TLK1: variants seen among roughly 807,000 people sequenced by gnomAD.
TLK1 encodes the protein serine/threonine-protein kinase tousled-like 1.
TLK1 carries 24 observed loss-of-function variants against 105.3 expected under a neutral mutation model. The observed-to-expected ratio is 0.23, with a 90% CI of 0.17 to 0.32. The LOEUF is 0.32. TLK1 is among the 10% of genes least tolerant of loss of function. TLK1 has a pLI of 1.00. For synonymous variants in TLK1, 321 were observed against 310.4 expected, an observed-to-expected ratio of 1.03 and a Z score of -0.36; for missense variants, 558 against 910.5, an observed-to-expected ratio of 0.61 and a Z score of 4.98.
chr2:171,003,568 G>C (rs992301792), intron 18 of TLK1, among the ~76,000 whole-genome samples: 2 of 152,146 alleles, frequency 1.3e-5, no homozygotes, highest in Non-Finnish European at 2.9e-5. Flanking sequence ...AAAAATATTT[G>C]AGAATCACGA....
In TLK1 at chr2:171,112,190, T is replaced by C. The variant is rs543595356; in HGVS notation, c.258+5549A>G. 3.5e-4 allele frequency among the ~76,000 whole-genome samples: 53 copies of C among 152,320 alleles called. 1 individual carries two copies. The South Asian group carries it at 8.9e-3, about 26-fold the overall frequency. On this transcript the variant is annotated intron_variant, in intron 2 of 20. Coordinates refer to ENST00000431350, the MANE Select transcript of TLK1 (RefSeq NM_012290.5). ...TGTTCTCAAACTCCTTACCTCGTGA[T>C]CCGCCCACTTTGGCCTCCCAAAGTG...
chr2:171,038,261 A>G (rs577811946), intron 11 of TLK1, among the ~76,000 whole-genome samples: 3 of 152,248 alleles, frequency 2.0e-5, no homozygotes, highest in African/African-American at 7.2e-5. Context: ...TTCCCCTACA[A>G]AAATTTTAAC....
In TLK1 at chr2:171,014,794, T is replaced by TG. The variant is rs1685093855; in HGVS notation, c.1334+56dup. ...AAGGAAATATTGTGTTTATGCTCTA[T>TG]GGGGGGCGGGGGTAGTTTTAATAAT... On this transcript the variant is annotated intron_variant, in intron 13 of 20. Transcript: ENST00000431350. 3.4e-5 allele frequency: 43 copies of TG among 1,247,028 alleles called. No homozygotes were observed. The South Asian group carries it at 4.2e-4, about 12-fold the overall frequency. The allele number at this position is 1,247,028 out of a possible 1,614,324, so 77.2% of individuals were successfully genotyped here.
intron 3 of TLK1, among the ~76,000 whole-genome samples, chr2:171,081,323 C>T (rs1249883264): frequency 6.6e-6 from 1 of 151,954 alleles, no homozygotes; most frequent in South Asian, 2.1e-4. Context: ...CCATGTTTTG[C>T]TTTTTTAAAA....
intron 1 of TLK1, among the ~76,000 whole-genome samples, chr2:171,166,039 C>T (rs1207811866): frequency 6.6e-6 from 1 of 151,852 alleles, no homozygotes; most frequent in Non-Finnish European, 1.5e-5. Flanking sequence ...ACTCCACATT[C>T]AGTAATGTTA....
At chr2:171,118,256 G>T in intron 1 of TLK1, among the ~76,000 whole-genome samples, 1 of 152,162 alleles carries the variant, frequency 6.6e-6, no homozygotes, top group African/African-American at 2.4e-5. Flanking sequence ...CAATTAAATT[G>T]ATTTCATAAA....
intron 1 of TLK1, among the ~76,000 whole-genome samples, chr2:171,146,527 T>A (rs1365074039): frequency 6.6e-6 from 1 of 152,182 alleles, no homozygotes; most frequent in Non-Finnish European, 1.5e-5. Flanking sequence ...AGAAAAAATA[T>A]GACGGTGGAA....
chr2:171,187,439 A>C (rs879849110), intron 1 of TLK1, among the ~76,000 whole-genome samples: 14 of 152,200 alleles, frequency 9.2e-5, no homozygotes, highest in Non-Finnish European at 1.8e-4. Context: ...TCTATGACTC[A>C]ATACCATTAA....
chr2:171,167,403 C>T (rs1692628732), intron 1 of TLK1, among the ~76,000 whole-genome samples: 1 of 152,162 alleles, frequency 6.6e-6, no homozygotes, highest in African/African-American at 2.4e-5. Flanking sequence ...GATGCCTACC[C>T]TGCAATCTCA....
intron 11 of TLK1, among the ~76,000 whole-genome samples, chr2:171,044,775 TGGAAA>T (rs1686863024): frequency 6.6e-6 from 1 of 152,272 alleles, no homozygotes; most frequent in South Asian, 2.1e-4. Context: ...TGAGTTAAAA[TGGAAA>T]CTTCAGTATC....
chr2:171,038,051 G>C (rs1484415814), intron 11 of TLK1, among the ~76,000 whole-genome samples: 1 of 152,108 alleles, frequency 6.6e-6, no homozygotes, highest in Non-Finnish European at 1.5e-5. Context: ...GAACTATGTG[G>C]ATTTTGTTTC....
chr2:170,994,028 CAGA>C (rs1301107161), intron 20 of TLK1, 72 bp from the exon 21 acceptor site: 4 of 1,458,922 alleles, frequency 2.7e-6, no homozygotes, highest in Non-Finnish European at 2.7e-6. Flanking sequence ...ACTGAATCAG[CAGA>C]AGGATGGACA....
rs183263654 is a variant in TLK1, at chr2:171,223,448, T to C, written c.-6+7697A>G. ...CATACCTGTTGGCCATTTTATGTCTTCTTTTGATAAATGTCTATTCAGGTA... is the reference window on the plus strand; with the variant it reads ...CATACCTGTTGGCCATTTTATGTCTCCTTTTGATAAATGTCTATTCAGGTA... On this transcript the variant is annotated intron_variant, in intron 1 of 20. Coordinates refer to the TLK1 transcript ENST00000521943. 2.0e-5 allele frequency among the ~76,000 whole-genome samples: 3 copies of C among 152,126 alleles called. No homozygotes were observed. In the East Asian group the frequency reaches 5.8e-4, roughly 29 times the overall value.
rs148110508 is a variant in TLK1 at position 171,084,241 on chromosome 2, T to C, written c.259-1389A>G. ...GGTACAGAAGCTAGGTTAACTTAAGTACAGAAGGGTTTTGCACTTTCAATT... is the reference window on the plus strand; with the variant it reads ...GGTACAGAAGCTAGGTTAACTTAAGCACAGAAGGGTTTTGCACTTTCAATT... On this transcript the variant is annotated intron_variant, in intron 2 of 20. Transcript: ENST00000431350. Among the ~76,000 whole-genome samples the C allele has an allele frequency of 4.5e-3, 688 of 152,146 alleles. 8 individuals carry two copies. Among genetic ancestry groups the C allele is most frequent in the Non-Finnish European group, 7.8e-3 (531 of 67,984 alleles).
At chr2:171,145,251 T>A (rs181245689) in intron 1 of TLK1, among the ~76,000 whole-genome samples, 199 of 151,830 alleles carry the variant, frequency 1.3e-3, no homozygotes, top group Non-Finnish European at 1.3e-4. Context: ...GAGGTTGCAG[T>A]GAGCCGAGAT....
intron 1 of TLK1, among the ~76,000 whole-genome samples, chr2:171,186,787 C>T (rs745317670): frequency 1.8e-4 from 28 of 152,042 alleles, no homozygotes; most frequent in African/African-American, 2.7e-4. Context: ...AGGCTGGGCA[C>T]GGTGGCTCAT....
intron 13 of TLK1, 86 bp downstream of exon 13, chr2:171,014,765 C>A: frequency 4.8e-6 from 5 of 1,038,868 alleles, no homozygotes; most frequent in Non-Finnish European, 7.3e-6. Context: ...TGAGACAACC[C>A]AAGAAGGAAA....
At chr2:171,060,464 A>C (rs1687699979) in intron 4 of TLK1, among the ~76,000 whole-genome samples, 1 of 152,220 alleles carries the variant, frequency 6.6e-6, no homozygotes, top group African/African-American at 2.4e-5. Flanking sequence ...TCACAGCCAT[A>C]GATCTTATGG....
At chr2:171,119,556 C>T (rs1372509618) in intron 1 of TLK1, among the ~76,000 whole-genome samples, 1 of 152,200 alleles carries the variant, frequency 6.6e-6, no homozygotes, top group East Asian at 1.9e-4. Context: ...CCTTCCCTGG[C>T]ACAGGACTAT....
Sources: gnomAD v4.1 joint callset for allele counts (sites outside exome capture counted in the v4.1 genomes callset) on GRCh38, gnomAD v4.1.1 for gene constraint, MANE v1.5 for transcripts, NCBI Gene and HGNC (gene_info 2026-07-23, HGNC 2026-07-21) for gene names.